Variants in SYNE2 observed in about 807,000 individuals in gnomAD.
The protein encoded by SYNE2 is spectrin repeat containing nuclear envelope protein 2.
A neutral mutation model predicts 856.3 loss-of-function variants in SYNE2; 431 were observed. The observed-to-expected ratio is 0.50, with a 90% CI of 0.47 to 0.55. The LOEUF is 0.55. Among genes scored for constraint, SYNE2 ranks in the 20% least tolerant of loss-of-function variants. The pLI, the probability that SYNE2 is intolerant of heterozygous loss-of-function variation, is 0.00. For synonymous variants in SYNE2, 2,923 were observed against 2,872.3 expected (o/e 1.02, Z -0.56); for missense variants, 8,129 against 8,023.2 (o/e 1.01, Z -0.50).
chr14:64,104,577 G>T (rs1567311831), intron 64 of SYNE2, among the ~76,000 whole-genome samples: 1 of 151,438 alleles, frequency 6.6e-6, no homozygotes, highest in Non-Finnish European at 1.5e-5. Flanking sequence ...AGCCTCCCGA[G>T]CAGCTGGGAT....
intron 55 of SYNE2, 71 bp from the exon 56 acceptor site, chr14:64,080,385 G>A: frequency 6.9e-7 from 1 of 1,445,420 alleles, no homozygotes; most frequent in South Asian, 1.1e-5. Flanking sequence ...TAAATACTGT[G>A]TGAAAACCAG....
At chr14:63,779,585 G>A (rs1363166275) in intron 1 of SYNE2, among the ~76,000 whole-genome samples, 1 of 151,924 alleles carries the variant, frequency 6.6e-6, no homozygotes, top group African/African-American at 2.4e-5. Context: ...ACTCAACATT[G>A]TATTAGAAAT....
intron 1 of SYNE2, among the ~76,000 whole-genome samples, chr14:63,889,724 C>T (rs1189052797): frequency 1.3e-5 from 2 of 152,050 alleles, no homozygotes; most frequent in East Asian, 3.8e-4. Flanking sequence ...GTGATCCTCC[C>T]ACCTTGGCCT....
chr14:64,102,241 CA>C, intron 64 of SYNE2, among the ~76,000 whole-genome samples, 199 bp downstream of exon 64: 1 of 152,178 alleles, frequency 6.6e-6, no homozygotes, highest in East Asian at 1.9e-4. Flanking sequence ...TTCAGCCTCC[CA>C]AGTAGCTGGG....
chr14:63,981,284 T>C (rs2096583556), intron 16 of SYNE2, 111 bp downstream of exon 16: 3 of 969,036 alleles, frequency 3.1e-6, no homozygotes, highest in Non-Finnish European at 4.8e-6. Context: ...ACCAGTGTTT[T>C]GGAAAATTCT....
chr14:63,787,599 T>C (rs1003639409), intron 1 of SYNE2, among the ~76,000 whole-genome samples: 4 of 152,190 alleles, frequency 2.6e-5, no homozygotes, highest in Non-Finnish European at 5.9e-5. Flanking sequence ...CTGCAGTGGG[T>C]AGCTCCCCTC....
chr14:64,209,286 C>G (rs1282257178), intron 101 of SYNE2, 142 bp from the exon 102 acceptor site: 1 of 1,373,700 alleles, frequency 7.3e-7, no homozygotes, highest in East Asian at 2.4e-5. Flanking sequence ...GGAGCACAGA[C>G]AAGAAGTGGC....
chr14:64,192,142 G>A (rs561801228), intron 99 of SYNE2, among the ~76,000 whole-genome samples: 1 of 152,300 alleles, frequency 6.6e-6, no homozygotes, highest in African/African-American at 2.4e-5. Flanking sequence ...CCCTAGTGAG[G>A]CCTGCAACTG....
intron 58 of SYNE2, among the ~76,000 whole-genome samples, 176 bp from the exon 59 acceptor site, chr14:64,089,398 G>T (rs1317310137): frequency 8.8e-6 from 1 of 113,402 alleles, no homozygotes; most frequent in African/African-American, 3.4e-5. Context: ...AAAAAAAAAA[G>T]GAAAGAAAAT....
chr14:64,125,398 G>T (rs541002321), intron 71 of SYNE2, among the ~76,000 whole-genome samples, 188 bp downstream of exon 71: 1 of 152,284 alleles, frequency 6.6e-6, no homozygotes, highest in East Asian at 1.9e-4. Flanking sequence ...GGTTCCCTAG[G>T]GACTGTGTGC....
chr14:64,122,135 T>C lies in SYNE2; in HGVS notation c.13280+2T>C. The C allele has an allele frequency of 6.2e-7, 1 of 1,614,156 alleles. No homozygotes were observed. The highest frequency in any genetic ancestry group is 8.5e-7 in the Non-Finnish European group (1 of 1,180,026). ...TACAACTCAGGAATCATCTGCAAGG[T>C]AAAACATTTAAAAATAGAGTTGGTC... On this transcript the variant is annotated splice_donor_variant, in intron 69 of 115. Transcript: ENST00000555002. LOFTEE classifies it high-confidence loss of function.
rs1438345289 is a variant in SYNE2 at position 63,983,755 on chromosome 14, A to G, written c.2020A>G (p.Met674Val). ...KTQLEMNLPL[M>V]IKKQDQPTFD... The stretch of plus-strand genomic sequence containing the variant: ...TGTATAGGAAATGAACCTGCCACTG[A>G]TGATAAAAAAACAGGATCAGCCCAC... The change falls in exon 18 of 116, where the codon ATG becomes GTG. Residue 674 changes from methionine to valine, a missense_variant. Physicochemically the swap from Met to Val is conservative, Grantham distance 21 (BLOSUM62 1). Transcript: ENST00000555002. The G allele has an allele frequency of 9.3e-6, 15 of 1,612,792 alleles. No homozygotes were observed. The highest frequency in any genetic ancestry group is 1.2e-5 in the Non-Finnish European group (14 of 1,179,138).
rs775297743 is a variant in SYNE2 at position 64,097,964 on chromosome 14, A to G, written c.12124A>G (p.Met4042Val). The change falls in exon 62 of 116, where the codon ATG becomes GTG. Residue 4042 changes from methionine (M) to valine (V), a missense_variant. Physicochemically the swap from Met to Val is conservative, Grantham distance 21 (BLOSUM62 1). Coordinates refer to ENST00000555002, the MANE Select transcript of SYNE2 (RefSeq NM_182914.3). The stretch of plus-strand genomic sequence containing the variant: ...TTCTACACAGGGAGAAATCGAACGT[A>G]TGGAGAAACAGATTCTGAGTTTGAA... ...LPQLQGEIER[M>V]EKQILSLNQR... 1.9e-6 allele frequency: 3 copies of G among 1,614,238 alleles called. No homozygotes were observed. Among genetic ancestry groups the G allele is most frequent in the South Asian group, 1.1e-5 (1 of 91,086 alleles).
chr14:63,894,266 G>T lies in SYNE2; in HGVS notation c.-51-14832G>T, dbSNP rs142510885. On this transcript the variant is annotated intron_variant, in intron 1 of 115. Transcript: ENST00000555002. Reference sequence around the variant, plus strand: ...GTGCCCAGGCTGGAATGCAGTGGATGTGATCATAGGATCATAGCTCACTGC... The same window carrying T: ...GTGCCCAGGCTGGAATGCAGTGGATTTGATCATAGGATCATAGCTCACTGC... Among the ~76,000 whole-genome samples the T allele has an allele frequency of 3.3e-5, 5 of 150,556 alleles. No homozygotes were observed. In the East Asian group the frequency reaches 9.7e-4, roughly 29 times the overall value.
intron 79 of SYNE2, 109 bp from the exon 80 acceptor site, chr14:64,139,832 C>A: frequency 9.3e-7 from 1 of 1,070,976 alleles, no homozygotes; most frequent in Non-Finnish European, 1.4e-6. Context: ...AATGTTAGGA[C>A]TGATCAACAT....
At chr14:64,222,322 A>G (rs945537732) in intron 112 of SYNE2, among the ~76,000 whole-genome samples, 2 of 152,246 alleles carry the variant, frequency 1.3e-5, no homozygotes, top group African/African-American at 4.8e-5. Flanking sequence ...AGTGATAGAG[A>G]TGACCTGTGT....
At chr14:63,940,972 A>G (rs542209068) in intron 3 of SYNE2, among the ~76,000 whole-genome samples, 1 of 152,376 alleles carries the variant, frequency 6.6e-6, no homozygotes, top group East Asian at 1.9e-4. Flanking sequence ...TGATTTGCAT[A>G]TAATAAATGT....
At chr14:64,059,719 A>G (rs34256889) in intron 49 of SYNE2, among the ~76,000 whole-genome samples, 10,754 of 152,304 alleles carry the variant, frequency 0.071, 619 homozygotes, top group African/African-American at 0.15. Context: ...TCTACAATCA[A>G]CAGGAGATGA....
intron 2 of SYNE2, among the ~76,000 whole-genome samples, chr14:63,924,319 A>G (rs574387677): frequency 7.9e-5 from 12 of 152,288 alleles, no homozygotes; most frequent in African/African-American, 2.9e-4. Context: ...AATTCTTTTC[A>G]ACATTGCTTT....
Sources: allele counts gnomAD v4.1 joint callset (sites outside exome capture counted in the v4.1 genomes callset), GRCh38; gene constraint gnomAD v4.1.1; transcripts MANE v1.5; gene names NCBI Gene and HGNC (gene_info 2026-07-23, HGNC 2026-07-21).